The following NUP188 variants were observed in gnomAD, a reference collection of about 807,000 sequenced individuals.
NUP188 encodes the protein nucleoporin 188.
In NUP188, 97 loss-of-function variants were observed where a neutral mutation model predicts 223.0. The ratio of observed to expected loss-of-function variants is 0.43; its 90% CI spans 0.37 to 0.51. NUP188 has a LOEUF of 0.51. Among genes scored for constraint, NUP188 ranks in the 20% least tolerant of loss-of-function variants. The pLI is 0.00. For missense variants in NUP188, 1,947 were observed against 2,175.6 expected (o/e 0.89, Z 2.09); for synonymous variants, 869 against 828.0 (o/e 1.05, Z -0.85).
Position 128,988,152 on chromosome 9 carries a change from G to C in NUP188, c.2499G>C (p.Val833=). Residue 833 remains valine, a synonymous_variant, in exon 24 of 44, where the codon GTG becomes GTC. Transcript: ENST00000372577. ...NVIRLKPPSN[V]VSPLEQALSQ... ...TTCGGCTGAAACCTCCTTCTAATGT[G>C]GTGTCCCCCCTGGAACAGGCTCTCT... The C allele has an allele frequency of 1.2e-6, 2 of 1,614,066 alleles. No homozygotes were observed. The highest frequency in any genetic ancestry group is 1.7e-6 in the Non-Finnish European group (2 of 1,179,984).
chr9:128,951,507 A>G, intron 2 of NUP188, among the ~76,000 whole-genome samples: 1 of 152,050 alleles, frequency 6.6e-6, no homozygotes, highest in Non-Finnish European at 1.5e-5. Flanking sequence ...CTTCACCACA[A>G]CATCATTTAT....
At chr9:128,994,996 C>T in intron 29 of NUP188, 73 bp downstream of exon 29, 1 of 1,142,798 alleles carries the variant, frequency 8.8e-7, no homozygotes. Context: ...CCACTGGGTG[C>T]ATGGCTGGAA....
At chr9:128,987,090 T>TGAGA (rs1181841118) in intron 22 of NUP188, among the ~76,000 whole-genome samples, 1 of 97,594 alleles carries the variant, frequency 1.0e-5, no homozygotes, top group Non-Finnish European at 1.9e-5. Flanking sequence ...AGAGAGAGAG[T>TGAGA]GTGTGTGTGT....
At position 128,993,412 on chromosome 9, in the gene NUP188, G is replaced by A. The variant is rs1238950888; in HGVS notation, c.2847+9G>A. Reference sequence around the variant, plus strand: ...GCAGTGATGGCTCAAAGGTAAGCCTGTAACCTGGGATGACACTGGGAGTTG... The same window carrying A: ...GCAGTGATGGCTCAAAGGTAAGCCTATAACCTGGGATGACACTGGGAGTTG... On this transcript the variant is annotated intron_variant, in intron 26 of 43. Coordinates refer to ENST00000372577, the MANE Select transcript of NUP188 (RefSeq NM_015354.3). The A allele has an allele frequency of 6.2e-7, 1 of 1,613,936 alleles. No homozygotes were observed. The highest frequency in any genetic ancestry group is 8.5e-7 in the Non-Finnish European group (1 of 1,179,910).
rs1384955411 is a variant in NUP188 at position 128,995,345 on chromosome 9, A to G, written c.3182A>G (p.Asp1061Gly). 3.7e-6 allele frequency: 6 copies of G among 1,613,956 alleles called. No homozygotes were observed. The highest frequency in any genetic ancestry group is 5.1e-6 in the Non-Finnish European group (6 of 1,179,970). The change falls in exon 30 of 44, where the codon GAT becomes GGT. Residue 1061 changes from aspartate to glycine, a missense_variant. Asp to Gly is a moderately conservative substitution (Grantham distance 94). Transcript: ENST00000372577. ...VKGSLDQSLK[D>G]TLKKFSIEKR... is the part of the protein sequence containing the mutation. ...GGTTCATTAGACCAGTCATTAAAGG[A>G]TACACTGAAGAAATTTTCCATCGAG...
At chr9:128,948,940 T>C in intron 1 of NUP188, 1 of 310,382 alleles carries the variant, frequency 3.2e-6, no homozygotes, top group Non-Finnish European at 6.1e-6. Context: ...TTAGCCAGGA[T>C]GGTCTCGATC....
At chr9:128,997,110 C>T (rs1349324146) in intron 30 of NUP188, among the ~76,000 whole-genome samples, 3 of 152,218 alleles carry the variant, frequency 2.0e-5, no homozygotes, top group Non-Finnish European at 4.4e-5. Context: ...GTGGCCTTCT[C>T]TGAGTGGTGA....
intron 5 of NUP188, 57 bp from the exon 6 acceptor site, chr9:128,957,953 T>TA: frequency 1.5e-6 from 2 of 1,302,392 alleles, no homozygotes; most frequent in Non-Finnish European, 2.2e-6. Context: ...TATCTTTTTT[T>TA]ATTACTTGAG....
Position 128,973,222 on chromosome 9 carries a change from G to T in NUP188, c.1176G>T (p.Leu392Phe). 1 of 1,613,300 alleles carries T rather than the reference G, an allele frequency of 6.2e-7. No individual in the cohort carries two copies. The change falls in exon 12 of 44, where the codon TTG (leucine) becomes TTT (phenylalanine). Residue 392 changes from leucine to phenylalanine, a missense_variant. Coordinates refer to ENST00000372577, the MANE Select transcript of NUP188 (RefSeq NM_015354.3). ...TGCTCTCTTTCGTTCTGACCTCGTT[G>T]GAGCTGCACACCCTGGGCAATCAGC... ...YGLLSFVLTSLELHTLGNQQD... is the reference protein window; with the variant it reads ...YGLLSFVLTSFELHTLGNQQD...
In NUP188 at chr9:128,993,251, G is replaced by A; in HGVS notation, c.2695G>A (p.Asp899Asn). The A allele has an allele frequency of 1.2e-6, 2 of 1,614,200 alleles. No individual in the cohort carries two copies. Among genetic ancestry groups the A allele is most frequent in the Non-Finnish European group, 1.7e-6 (2 of 1,180,034 alleles). ...CLGNDAAAIR[D>N]AFLTRLQSKI... is the part of the protein sequence containing the mutation. ...GGGCAATGATGCGGCTGCCATTCGTGATGCCTTCCTGACCCGATTGCAGAG... is the reference window on the plus strand; with the variant it reads ...GGGCAATGATGCGGCTGCCATTCGTAATGCCTTCCTGACCCGATTGCAGAG... Residue 899 changes from aspartate to asparagine, a missense_variant, in exon 26 of 44, where the codon GAT becomes AAT. By Grantham distance (23) the Asp-to-Asn change is conservative. This residue lies in a region of NUP188 where 225 missense variants were observed against 319.1 expected (regional missense o/e 0.71). Transcript: ENST00000372577.
chr9:128,983,050 C>T, intron 17 of NUP188, 22 bp downstream of exon 17: 2 of 1,613,106 alleles, frequency 1.2e-6, no homozygotes, highest in South Asian at 2.2e-5. Flanking sequence ...TTGGCTGACC[C>T]TCAGCTGCCC....
intron 2 of NUP188, among the ~76,000 whole-genome samples, chr9:128,952,061 A>C (rs1002916059): frequency 6.6e-6 from 1 of 152,074 alleles, no homozygotes; most frequent in African/African-American, 2.4e-5. Flanking sequence ...CCAAAGTGCT[A>C]GGATTACAGG....
At chr9:128,984,325 C>T (rs546169841) in intron 19 of NUP188, among the ~76,000 whole-genome samples, 6 of 151,970 alleles carry the variant, frequency 3.9e-5, no homozygotes, top group African/African-American at 1.2e-4. Flanking sequence ...AGTGTTTCAC[C>T]GTGTTGGCCA....
At chr9:128,997,554 A>G (rs1257038420) in intron 30 of NUP188, among the ~76,000 whole-genome samples, 3 of 152,096 alleles carry the variant, frequency 2.0e-5, no homozygotes, top group Admixed American at 6.5e-5. Context: ...CAGTGGTGCA[A>G]TCATGGCTCA....
intron 36 of NUP188, among the ~76,000 whole-genome samples, chr9:129,002,279 G>A (rs952073263): frequency 2.6e-5 from 4 of 152,174 alleles, no homozygotes; most frequent in African/African-American, 9.7e-5. Flanking sequence ...CAAGGCAGCT[G>A]TCCTCTCCTG....
Position 128,959,066 on chromosome 9 carries a change from TACAG to T in NUP188, c.522_525del (p.Arg174SerfsTer21). 1.2e-6 allele frequency: 2 copies of T among 1,602,384 alleles called. No homozygotes were observed. Among genetic ancestry groups the T allele is most frequent in the Non-Finnish European group, 1.7e-6 (2 of 1,173,338 alleles). On this transcript the variant is annotated frameshift_variant, in exon 8 of 44. Coordinates refer to ENST00000372577, the MANE Select transcript of NUP188 (RefSeq NM_015354.3). LOFTEE classifies it high-confidence loss of function. ...ATTGGAGAAGGAACTAGTTTCAAAA[TACAG>T]ACAGCAGTTCGAAGAGCTTTATAAA...
At chr9:128,979,607 G>C (rs1588280372) in intron 13 of NUP188, among the ~76,000 whole-genome samples, 1 of 138,290 alleles carries the variant, frequency 7.2e-6, no homozygotes, top group Non-Finnish European at 1.6e-5. Context: ...GCTGTCTCCA[G>C]CCCACCAGGT....
chr9:128,962,652 T>A (rs1312022545), intron 8 of NUP188, among the ~76,000 whole-genome samples: 1 of 152,024 alleles, frequency 6.6e-6, no homozygotes, highest in Non-Finnish European at 1.5e-5. Flanking sequence ...AGAGCGAGAC[T>A]CTGTCTCAAA....
chr9:129,003,631 A>G (rs1386112916), intron 38 of NUP188, 177 bp downstream of exon 38: 4 of 764,846 alleles, frequency 5.2e-6, no homozygotes, highest in Middle Eastern at 4.6e-4. Context: ...TTCCTTCCAT[A>G]GTCAAGGGCA....
Sources: allele counts gnomAD v4.1 joint callset (sites outside exome capture counted in the v4.1 genomes callset), GRCh38; gene constraint gnomAD v4.1.1; regional missense constraint gnomAD v4.1.1; transcripts MANE v1.5; gene names NCBI Gene and HGNC (gene_info 2026-07-23, HGNC 2026-07-21).